The following SERPINI1 variants were observed in gnomAD, a reference collection of about 807,000 sequenced individuals.
SERPINI1 encodes neuroserpin.
Under a neutral mutation model 41.1 loss-of-function variants are expected in SERPINI1, and 19 were observed. The ratio of observed to expected loss-of-function variants is 0.46; its 90% CI spans 0.32 to 0.68. SERPINI1 has a LOEUF of 0.68. Among genes scored for constraint, SERPINI1 ranks in the 30% least tolerant of loss-of-function variants. The pLI, the probability that SERPINI1 is intolerant of heterozygous loss-of-function variation, is 0.03. For synonymous variants in SERPINI1, 138 were observed against 156.6 expected, an observed-to-expected ratio of 0.88 and a Z score of 0.89; for missense variants, 460 against 479.2, an observed-to-expected ratio of 0.96 and a Z score of 0.37.
chr3:167,789,026 A>T, intron 1 of SERPINI1, 85 bp from the exon 2 acceptor site: 1 of 1,355,298 alleles, frequency 7.4e-7, no homozygotes. Context: ...TGACTTTTTA[A>T]AAGTAGAACC....
intron 6 of SERPINI1, among the ~76,000 whole-genome samples, chr3:167,813,387 C>T (rs1711959880): frequency 6.6e-6 from 1 of 152,194 alleles, no homozygotes. Context: ...CGTCAAAGCT[C>T]TTAAAATTAT....
At chr3:167,794,359 A>C (rs1238544857) in intron 4 of SERPINI1, among the ~76,000 whole-genome samples, 1 of 152,090 alleles carries the variant, frequency 6.6e-6, no homozygotes, top group Non-Finnish European at 1.5e-5. Context: ...ATTTCTTTAT[A>C]TTCTATATAC....
chr3:167,814,235 T>G (rs189277014), intron 6 of SERPINI1, among the ~76,000 whole-genome samples: 6 of 152,356 alleles, frequency 3.9e-5, no homozygotes, highest in Admixed American at 3.3e-4. Context: ...AGGAAGGAAC[T>G]ATTTAGTTCA....
Position 167,786,769 on chromosome 3 carries a change from A to G in SERPINI1, c.-18-2342A>G, listed in dbSNP as rs377669706. On this transcript the variant is annotated intron_variant, in intron 1 of 8. Coordinates refer to ENST00000446050, the MANE Select transcript of SERPINI1 (RefSeq NM_001122752.2). Reference sequence around the variant, plus strand: ...TCACTTACTGTAACTTTTATACTTTATAAAGTTTTAAATGTTTAAAAAACT... The same window carrying G: ...TCACTTACTGTAACTTTTATACTTTGTAAAGTTTTAAATGTTTAAAAAACT... Among the ~76,000 whole-genome samples, 3 of 152,302 alleles carry G rather than the reference A, an allele frequency of 2.0e-5. No homozygotes were observed. In the East Asian group the frequency reaches 5.8e-4, roughly 29 times the overall value.
intron 1 of SERPINI1, among the ~76,000 whole-genome samples, chr3:167,769,795 A>T (rs62278335): frequency 0.13 from 20,160 of 151,950 alleles, 1,677 homozygotes; most frequent in African/African-American, 0.23. Flanking sequence ...CCATGTTTTT[A>T]CCTGTTTAAA....
rs1304630774 is a variant in SERPINI1, at chr3:167,772,889, TATATACACACACACAC to T, written c.-18-16220_-18-16205del. 1.1e-3 allele frequency among the ~76,000 whole-genome samples: 81 copies of T among 77,122 alleles called. 1 individual carries two copies. The highest frequency in any genetic ancestry group is 3.8e-3 in the African/African-American group (63 of 16,456). 50.6% of individuals were successfully genotyped at this position (77,122 alleles called of 152,430 possible). The stretch of plus-strand genomic sequence containing the variant: ...CTATATATATATATATATATATATA[TATATACACACACACAC>T]ACACACACACACACACATGCATATA... On this transcript the variant is annotated intron_variant, in intron 1 of 8. Coordinates refer to ENST00000446050, the MANE Select transcript of SERPINI1 (RefSeq NM_001122752.2).
chr3:167,818,473 A>G (rs1049249663), intron 6 of SERPINI1, among the ~76,000 whole-genome samples: 1 of 152,208 alleles, frequency 6.6e-6, no homozygotes, highest in African/African-American at 2.4e-5. Flanking sequence ...AAAATTATAC[A>G]TAGTATTTTT....
chr3:167,784,595 G>C (rs760319372), intron 1 of SERPINI1, among the ~76,000 whole-genome samples: 1 of 152,190 alleles, frequency 6.6e-6, no homozygotes, highest in African/African-American at 2.4e-5. Flanking sequence ...GGAAGGCAAA[G>C]AAGAAGCAGG....
intron 1 of SERPINI1, among the ~76,000 whole-genome samples, chr3:167,750,992 A>C (rs1726034138): frequency 6.6e-6 from 1 of 152,072 alleles, no homozygotes; most frequent in South Asian, 2.1e-4. Flanking sequence ...ATATATAAAA[A>C]CTCTAACTTC....
intron 4 of SERPINI1, among the ~76,000 whole-genome samples, chr3:167,793,044 G>A (rs542068603): frequency 6.6e-6 from 1 of 152,254 alleles, no homozygotes; most frequent in Non-Finnish European, 1.5e-5. Flanking sequence ...CTGACATTGT[G>A]TGAGAATGTT....
At chr3:167,816,493 C>G (rs2108571950) in intron 6 of SERPINI1, among the ~76,000 whole-genome samples, 1 of 152,296 alleles carries the variant, frequency 6.6e-6, no homozygotes, top group Non-Finnish European at 1.5e-5. Flanking sequence ...GAAATCCTGT[C>G]TATGACAGTA....
chr3:167,738,217 ATG>A (rs1725547958), intron 1 of SERPINI1, among the ~76,000 whole-genome samples: 1 of 152,156 alleles, frequency 6.6e-6, no homozygotes, highest in Admixed American at 6.5e-5. Context: ...GTGAATATGT[ATG>A]ATGAGAAAGG....
chr3:167,743,335 C>T (rs965877551), intron 1 of SERPINI1, among the ~76,000 whole-genome samples: 2 of 152,158 alleles, frequency 1.3e-5, no homozygotes, highest in Non-Finnish European at 2.9e-5. Context: ...CTCATTCATA[C>T]AGTGACACTT....
At chr3:167,794,487 G>T in intron 4 of SERPINI1, 133 bp from the exon 5 acceptor site, 1 of 626,284 alleles carries the variant, frequency 1.6e-6, no homozygotes, top group Non-Finnish European at 2.7e-6. Context: ...TTCTTTAGTG[G>T]TGATTTGTGA....
chr3:167,807,288 C>A lies in SERPINI1; in HGVS notation c.926C>A (p.Ala309Asp). 1 of 1,612,906 alleles carries A rather than the reference C, an allele frequency of 6.2e-7. No individual in the cohort carries two copies. Among genetic ancestry groups the A allele is most frequent in the Non-Finnish European group, 8.5e-7 (1 of 1,179,288 alleles). The part of the protein sequence containing the change: ...QEIDLKDVLK[A>D]LGITEIFIKD... Reference sequence around the variant, plus strand: ...ATTGATTTAAAAGATGTTTTGAAGGCTCTTGGAATAACTGAAATTTTCATC... The same window carrying A: ...ATTGATTTAAAAGATGTTTTGAAGGATCTTGGAATAACTGAAATTTTCATC... Residue 309 changes from alanine (A) to aspartate (D), a missense_variant, in exon 6 of 9, where the codon GCT becomes GAT. By Grantham distance (126) the Ala-to-Asp change is moderately radical. Coordinates refer to ENST00000446050, the MANE Select transcript of SERPINI1 (RefSeq NM_001122752.2).
intron 1 of SERPINI1, among the ~76,000 whole-genome samples, chr3:167,754,581 G>C (rs1401059989): frequency 6.6e-6 from 1 of 152,122 alleles, no homozygotes; most frequent in East Asian, 1.9e-4. Context: ...GAAATCCACA[G>C]TGCAAAATCT....
chr3:167,772,864 C>CTATATATATATATATATATATA (rs1161668820), intron 1 of SERPINI1, among the ~76,000 whole-genome samples: 2 of 24,658 alleles, frequency 8.1e-5, no homozygotes, highest in East Asian at 3.4e-3. Context: ...CTCTCTCTCT[C>CTATATATATATATATATATATA]TATATATATA....
At chr3:167,814,542 G>A (rs1046566105) in intron 6 of SERPINI1, among the ~76,000 whole-genome samples, 3 of 152,140 alleles carry the variant, frequency 2.0e-5, no homozygotes, top group African/African-American at 7.2e-5. Flanking sequence ...CGTTCATGAC[G>A]CAGAAATCTA....
intron 1 of SERPINI1, among the ~76,000 whole-genome samples, chr3:167,755,269 A>C (rs1262806614): frequency 6.6e-6 from 1 of 152,214 alleles, no homozygotes; most frequent in Non-Finnish European, 1.5e-5. Context: ...GAAAGAAAGC[A>C]CATGGCATTA....
Sources: allele counts gnomAD v4.1 joint callset (sites outside exome capture counted in the v4.1 genomes callset), GRCh38; gene constraint gnomAD v4.1.1; transcripts MANE v1.5; gene names NCBI Gene and HGNC (gene_info 2026-07-23, HGNC 2026-07-21).